The following OPN1SW variants were observed in gnomAD, a reference collection of about 807,000 sequenced individuals.
OPN1SW encodes short-wave-sensitive opsin 1.
Under a neutral mutation model 31.9 loss-of-function variants are expected in OPN1SW, and 25 were observed. The observed-to-expected ratio is 0.78, with a 90% CI of 0.57 to 1.09. The LOEUF (loss-of-function observed/expected upper bound fraction) is 1.09, where lower values mean the gene tolerates loss of function less well. Among genes scored for constraint, OPN1SW ranks in the 50% least tolerant of loss-of-function variants. The pLI is 0.00. For synonymous variants in OPN1SW, 190 were observed against 171.9 expected, an observed-to-expected ratio of 1.11 and a Z score of -0.82; for missense variants, 424 against 448.0, an observed-to-expected ratio of 0.95 and a Z score of 0.48.
chr7:128,772,685 T>C (rs761743897), intron 4 of OPN1SW, 26 bp from the exon 5 acceptor site: 1 of 1,613,958 alleles, frequency 6.2e-7, no homozygotes, highest in Non-Finnish European at 8.5e-7. Context: ...CAATTGGAGA[T>C]AACCTTGGCA....
rs200777523 is a variant in OPN1SW at position 128,774,646 on chromosome 7, A to G, written c.530T>C (p.Leu177Pro). The G allele has an allele frequency of 5.0e-6, 8 of 1,614,144 alleles. No homozygotes were observed. Among genetic ancestry groups the G allele is most frequent in the Middle Eastern group, 1.6e-4 (1 of 6,062 alleles). Residue 177 changes from leucine to proline, a missense_variant, in exon 3 of 5, where the codon CTG (leucine) becomes CCG (proline). Physicochemically the swap from Leu to Pro is moderately conservative, Grantham distance 98. Transcript: ENST00000249389. ...FGWSRFIPEG[L>P]QCSCGPDWYT... ...CCAGTCAGGGCCACAGGAACACTGC[A>G]GGCCCTCAGGGATGAACCTGCAAAG...
At chr7:128,773,594 G>T (rs560414643) in intron 4 of OPN1SW, 55 bp downstream of exon 4, 1 of 1,612,274 alleles carries the variant, frequency 6.2e-7, no homozygotes, top group East Asian at 2.2e-5. Context: ...AAAGTCAATG[G>T]TGAGAAAAGA....
chr7:128,774,317 G>C (rs1349052740), intron 3 of OPN1SW, among the ~76,000 whole-genome samples, 181 bp downstream of exon 3: 1 of 152,120 alleles, frequency 6.6e-6, no homozygotes, highest in Non-Finnish European at 1.5e-5. Context: ...CCTCTTTTCT[G>C]TCCCATCTCC....
chr7:128,774,955 T>A (rs1397995199), intron 2 of OPN1SW, 31 bp downstream of exon 2: 1 of 1,613,320 alleles, frequency 6.2e-7, no homozygotes, highest in Admixed American at 1.7e-5. Flanking sequence ...GAGCTCCTAG[T>A]TAACTCAGCA....
chr7:128,773,071 T>C (rs1017010080), intron 4 of OPN1SW, among the ~76,000 whole-genome samples: 1 of 152,196 alleles, frequency 6.6e-6, no homozygotes, highest in African/African-American at 2.4e-5. Flanking sequence ...TTTTTGCCAC[T>C]TAGGGTTTGG....
chr7:128,774,621 C>A lies in OPN1SW; in HGVS notation c.555G>T (p.Trp185Cys), dbSNP rs1048307085. Residue 185 changes from tryptophan (W) to cysteine (C), a missense_variant, in exon 3 of 5, where the codon TGG (tryptophan) becomes TGT (cysteine). Transcript: ENST00000249389. ...TGCGGTATTTGGTGCCCACGGTGTA[C>A]CAGTCAGGGCCACAGGAACACTGCA... ...EGLQCSCGPD[W>C]YTVGTKYRSE... is the part of the protein sequence containing the mutation. The A allele has an allele frequency of 6.2e-7, 1 of 1,613,972 alleles. No individual in the cohort carries two copies. The highest frequency in any genetic ancestry group is 8.5e-7 in the Non-Finnish European group (1 of 1,180,028).
Position 128,773,921 on chromosome 7 carries a change from C to CT in OPN1SW, c.679-34dup, listed in dbSNP as rs766098579. ...GGAGCACGGAAAGCATCACATCTCT[C>CT]TTTTTCCTGGCCCTCTGGATGCTTT... On this transcript the variant is annotated intron_variant, in intron 3 of 4. Coordinates refer to ENST00000249389, the MANE Select transcript of OPN1SW (RefSeq NM_001385125.1). 18 of 1,591,160 alleles carry CT rather than the reference C, an allele frequency of 1.1e-5. No homozygotes were observed. In the South Asian group the frequency reaches 1.4e-4, roughly 13 times the overall value.
chr7:128,774,781 G>C (rs1226722948), intron 2 of OPN1SW, 118 bp from the exon 3 acceptor site: 2 of 1,461,228 alleles, frequency 1.4e-6, no homozygotes, highest in African/African-American at 2.8e-5. Flanking sequence ...TTCAAGCAGG[G>C]GGGTTTTCTG....
Position 128,773,570 on chromosome 7 carries a change from G to A in OPN1SW, c.918+79C>T. ...TACTAGAAACCTGGGTAGAGTCCAG[G>A]GTGCTCTGAGTTAAAAGTCAATGGT... is the stretch of plus-strand genomic sequence containing the variant. On this transcript the variant is annotated intron_variant, in intron 4 of 4. Transcript: ENST00000249389. The A allele has an allele frequency of 2.5e-6, 4 of 1,588,182 alleles. No individual in the cohort carries two copies. The South Asian group carries it at 3.3e-5, about 13-fold the overall frequency.
At chr7:128,774,940 A>G (rs1801726705) in intron 2 of OPN1SW, 46 bp downstream of exon 2, 5 of 1,611,688 alleles carry the variant, frequency 3.1e-6, no homozygotes, top group Non-Finnish European at 4.2e-6. Context: ...CACCCACATC[A>G]ACCTGAGCTC....
rs1801745871 is a variant in OPN1SW, at chr7:128,775,582, T to C, written c.200A>G (p.Asn67Ser). 1 of 1,614,070 alleles carries C rather than the reference T, an allele frequency of 6.2e-7. No homozygotes were observed. Among genetic ancestry groups the C allele is most frequent in the South Asian group, 1.1e-5 (1 of 91,080 alleles). The change falls in exon 1 of 5, where the codon AAC becomes AGC. Residue 67 changes from asparagine to serine, a missense_variant. Asn to Ser is a conservative substitution (Grantham distance 46). Transcript: ENST00000249389. ...GAAGGACACGTTGACCAGAATGTAG[T>C]TGAGGGGCTGCCGCAACTTTTTGTA... ...LRYKKLRQPL[N>S]YILVNVSFGG...
chr7:128,775,277 G>C, intron 1 of OPN1SW, 123 bp from the exon 2 acceptor site: 1 of 1,295,330 alleles, frequency 7.7e-7, no homozygotes, highest in South Asian at 1.3e-5. Context: ...TTGGAGTGAA[G>C]ACTCAAACAT....
chr7:128,772,803 C>T, intron 4 of OPN1SW, 144 bp from the exon 5 acceptor site: 1 of 1,090,662 alleles, frequency 9.2e-7, no homozygotes, highest in Non-Finnish European at 1.4e-6. Flanking sequence ...TCTTCCCCAT[C>T]CTGAAAACTA....
At chr7:128,773,917 C>T in intron 3 of OPN1SW, 29 bp from the exon 4 acceptor site, 2 of 1,599,518 alleles carry the variant, frequency 1.3e-6, no homozygotes, top group Non-Finnish European at 1.7e-6. Context: ...AGCATCACAT[C>T]TCTCTTTTTC....
In OPN1SW at chr7:128,773,930, G is replaced by C. The variant is rs777586309; in HGVS notation, c.679-42C>G. 5 of 1,586,040 alleles carry C rather than the reference G, an allele frequency of 3.2e-6. No homozygotes were observed. In the Admixed American group the frequency reaches 8.6e-5, roughly 27 times the overall value. On this transcript the variant is annotated intron_variant, in intron 3 of 4. Transcript: ENST00000249389. ...AAAGCATCACATCTCTCTTTTTCCT[G>C]GCCCTCTGGATGCTTTTTTTTTTTT... is the stretch of plus-strand genomic sequence containing the variant.
In OPN1SW at chr7:128,774,555, A is replaced by G. The variant is rs376813350; in HGVS notation, c.621T>C (p.Ile207=). Residue 207 remains isoleucine (I), a synonymous_variant, in exon 3 of 5, where the codon ATT becomes ATC. Coordinates refer to ENST00000249389, the MANE Select transcript of OPN1SW (RefSeq NM_001385125.1). ...AGAAGCAGATGAGGGAGAGAGGCAC[A>G]ATGAAGCAGAAGATGAAGAGGAACC... ...YTWFLFIFCF[I]VPLSLICFSY... 19 of 1,613,988 alleles carry G rather than the reference A, an allele frequency of 1.2e-5. No homozygotes were observed. Among genetic ancestry groups the G allele is most frequent in the African/African-American group, 2.7e-5 (2 of 74,902 alleles).
rs1285549649 is a variant in OPN1SW at position 128,772,526 on chromosome 7, C to A, written c.*14G>T. The A allele has an allele frequency of 1.9e-6, 3 of 1,614,092 alleles. No individual in the cohort carries two copies. Among genetic ancestry groups the A allele is most frequent in the Non-Finnish European group, 2.5e-6 (3 of 1,179,984 alleles). On this transcript the variant is annotated 3_prime_UTR_variant, in exon 5 of 5. Coordinates refer to ENST00000249389, the MANE Select transcript of OPN1SW (RefSeq NM_001385125.1). ...TTTAATTCTAGCTGTTGCAAACAGG[C>A]CAATATTGGGTCCTCAGTTGGGGCC...
At chr7:128,774,467 C>CCTT (rs1361953424) in intron 3 of OPN1SW, 31 bp downstream of exon 3, 6 of 1,612,802 alleles carry the variant, frequency 3.7e-6, no homozygotes, top group Non-Finnish European at 4.2e-6. Flanking sequence ...GCCCCGAACC[C>CCTT]CTTCTTCCCT....
intron 2 of OPN1SW, 122 bp from the exon 3 acceptor site, chr7:128,774,785 T>G (rs565766083): frequency 7.6e-5 from 109 of 1,439,048 alleles, no homozygotes; most frequent in Middle Eastern, 7.1e-4. Context: ...AGCAGGGGGG[T>G]TTTCTGTCCT....
Sources: allele counts gnomAD v4.1 joint callset (sites outside exome capture counted in the v4.1 genomes callset), GRCh38; gene constraint gnomAD v4.1.1; transcripts MANE v1.5; gene names NCBI Gene and HGNC (gene_info 2026-07-23, HGNC 2026-07-21).